The following CA10 variants were observed in gnomAD, a reference collection of about 807,000 sequenced individuals.
CA10 encodes carbonic anhydrase-related protein 10.
A neutral mutation model predicts 44.2 loss-of-function variants in CA10; 14 were observed. The observed-to-expected ratio is 0.32, with a 90% CI of 0.21 to 0.50. CA10 has a LOEUF of 0.50. CA10 is among the 20% of genes least tolerant of loss of function. CA10 has a pLI of 0.99. For synonymous variants in CA10, 159 were observed against 141.6 expected (o/e 1.12, Z -0.87); for missense variants, 350 against 409.7 (o/e 0.85, Z 1.26).
chr17:52,050,222 T>C (rs935896689), intron 2 of CA10, among the ~76,000 whole-genome samples: 3 of 152,040 alleles, frequency 2.0e-5, no homozygotes, highest in African/African-American at 7.2e-5. Context: ...GTGTTGTAAA[T>C]CCAAACTTAA....
intron 3 of CA10, among the ~76,000 whole-genome samples, chr17:51,780,044 CAATT>C (rs1250618619): frequency 2.0e-5 from 3 of 151,488 alleles, no homozygotes; most frequent in African/African-American, 7.3e-5. Context: ...CACGATTTGG[CAATT>C]AATACTTTTT....
At chr17:52,050,820 C>T (rs891307086) in intron 2 of CA10, among the ~76,000 whole-genome samples, 1 of 152,074 alleles carries the variant, frequency 6.6e-6, no homozygotes, top group Non-Finnish European at 1.5e-5. Flanking sequence ...AATGTGCATA[C>T]TTTGAAAATA....
intron 4 of CA10, among the ~76,000 whole-genome samples, chr17:51,687,829 G>C (rs1026777227): frequency 6.6e-6 from 1 of 152,122 alleles, no homozygotes; most frequent in African/African-American, 2.4e-5. Flanking sequence ...ACCCAATAAA[G>C]TTTCTAGTTT....
intron 3 of CA10, among the ~76,000 whole-genome samples, chr17:51,900,860 A>G (rs555073363): frequency 1.3e-5 from 2 of 152,276 alleles, no homozygotes; most frequent in East Asian, 3.9e-4. Flanking sequence ...GCTCTATCAG[A>G]TCAATTTGAT....
At chr17:51,912,512 G>C (rs1252255169) in intron 3 of CA10, among the ~76,000 whole-genome samples, 1 of 152,116 alleles carries the variant, frequency 6.6e-6, no homozygotes, top group Non-Finnish European at 1.5e-5. Context: ...AAAAAAACTT[G>C]CCTGCCATTT....
chr17:51,946,674 T>G (rs1446047415), intron 2 of CA10, among the ~76,000 whole-genome samples: 1 of 152,198 alleles, frequency 6.6e-6, no homozygotes, highest in East Asian at 1.9e-4. Context: ...ATTGCTTCCT[T>G]TGAGGATTTT....
chr17:51,971,344 T>C (rs760489804), intron 2 of CA10, among the ~76,000 whole-genome samples: 1 of 152,112 alleles, frequency 6.6e-6, no homozygotes, highest in Non-Finnish European at 1.5e-5. Flanking sequence ...AGAAATTTCT[T>C]TCATAAGAAG....
chr17:52,039,887 A>G (rs911988065), intron 2 of CA10, among the ~76,000 whole-genome samples: 3 of 152,096 alleles, frequency 2.0e-5, no homozygotes, highest in Admixed American at 6.5e-5. Context: ...TTATTAATAT[A>G]TAATACAGTA....
chr17:51,734,288 C>T (rs1916823275), intron 4 of CA10, among the ~76,000 whole-genome samples: 1 of 151,826 alleles, frequency 6.6e-6, no homozygotes, highest in Non-Finnish European at 1.5e-5. Context: ...TGATGGCAAA[C>T]TTGTGCAAGA....
intron 3 of CA10, chr17:51,763,177 A>G (rs181360932): frequency 1.2e-4 from 18 of 152,334 alleles, no homozygotes; most frequent in African/African-American, 4.3e-4. Context: ...TATGTGGCTC[A>G]CTTTCTGCAA....
intron 3 of CA10, among the ~76,000 whole-genome samples, chr17:51,831,733 A>AGCCGCCGCCGCAGC (rs1567854687): frequency 4.1e-5 from 5 of 121,520 alleles, no homozygotes; most frequent in South Asian, 2.5e-4. Context: ...GCAGCAGCAG[A>AGCCGCCGCCGCAGC]AAAAGACCTT....
At chr17:51,740,191 G>T (rs1035410510) in intron 4 of CA10, among the ~76,000 whole-genome samples, 2 of 151,956 alleles carry the variant, frequency 1.3e-5, no homozygotes, top group African/African-American at 2.4e-5. Flanking sequence ...TCAGCAATAC[G>T]TACCCTGTGC....
intron 2 of CA10, among the ~76,000 whole-genome samples, chr17:51,962,538 C>T (rs1427449005): frequency 6.6e-6 from 1 of 152,164 alleles, no homozygotes; most frequent in East Asian, 1.9e-4. Flanking sequence ...AATATATACC[C>T]AGGCATGTTG....
intron 3 of CA10, among the ~76,000 whole-genome samples, chr17:51,754,443 ATATATC>A (rs1246286588): frequency 1.6e-4 from 17 of 108,438 alleles, no homozygotes; most frequent in Non-Finnish European, 2.6e-4. Flanking sequence ...ATATATATAT[ATATATC>A]ACGTAAAATA....
At chr17:51,651,990 C>T in intron 5 of CA10, among the ~76,000 whole-genome samples, 1 of 152,194 alleles carries the variant, frequency 6.6e-6, no homozygotes, top group Non-Finnish European at 1.5e-5. Context: ...CAGGAATTTG[C>T]CCTGTGCTTA....
At chr17:52,095,946 G>A (rs1567731868) in intron 1 of CA10, among the ~76,000 whole-genome samples, 1 of 152,114 alleles carries the variant, frequency 6.6e-6, no homozygotes, top group Non-Finnish European at 1.5e-5. Context: ...GTAATATTTG[G>A]TGTCAGAAAA....
chr17:51,885,809 C>T (rs540133803), intron 3 of CA10, among the ~76,000 whole-genome samples: 1 of 152,326 alleles, frequency 6.6e-6, no homozygotes, highest in African/African-American at 2.4e-5. Flanking sequence ...GTAACAGCTG[C>T]ATGCTAAACA....
intron 3 of CA10, among the ~76,000 whole-genome samples, chr17:51,814,754 T>C (rs1237685556): frequency 6.6e-6 from 1 of 152,198 alleles, no homozygotes; most frequent in Non-Finnish European, 1.5e-5. Flanking sequence ...CAGCCCTCTG[T>C]CCATAACAAA....
At chr17:51,683,662 C>T (rs964926830) in intron 4 of CA10, among the ~76,000 whole-genome samples, 20 of 152,064 alleles carry the variant, frequency 1.3e-4, no homozygotes, top group Admixed American at 9.8e-4. Context: ...ATAAGGAATT[C>T]GCGTTTATTG....
Sources: allele counts gnomAD v4.1 joint callset (sites outside exome capture counted in the v4.1 genomes callset), GRCh38; gene constraint gnomAD v4.1.1; transcripts MANE v1.5; gene names NCBI Gene and HGNC (gene_info 2026-07-23, HGNC 2026-07-21).